PRKCH: variants seen among roughly 807,000 people sequenced by gnomAD.
The protein encoded by PRKCH is protein kinase C eta type.
Under a neutral mutation model 82.5 loss-of-function variants are expected in PRKCH, and 28 were observed. The ratio of observed to expected loss-of-function variants is 0.34; its 90% CI spans 0.25 to 0.47. The LOEUF (loss-of-function observed/expected upper bound fraction) is 0.47, where lower values mean the gene tolerates loss of function less well. Ranked by LOEUF, PRKCH falls within the 20% of genes least tolerant of loss-of-function variation. The probability of loss-of-function intolerance (pLI) is 1.00; values close to 1 mark genes in which losing one functional copy is unlikely to be tolerated. For missense variants in PRKCH, 705 were observed against 881.8 expected (o/e 0.80, Z 2.54); for synonymous variants, 322 against 327.4 (o/e 0.98, Z 0.18).
At chr14:61,390,663 CCTCT>C (rs201584566) in intron 1 of PRKCH, 1 of 152,716 alleles carries the variant, frequency 6.5e-6, no homozygotes, top group Non-Finnish European at 1.5e-5. Context: ...AGTGAAACTA[CCTCT>C]CTCTCTCAAA....
chr14:61,222,239 G>C (rs1055569012), intron 1 of PRKCH, among the ~76,000 whole-genome samples: 1 of 152,180 alleles, frequency 6.6e-6, no homozygotes. Context: ...AGTGCATCCA[G>C]GATCATTAAA....
At position 61,266,216 on chromosome 14, in the gene PRKCH, G is replaced by A. The variant is rs113166700; in HGVS notation, c.-19+78548G>A. On this transcript the variant is annotated intron_variant, in intron 1 of 3. Transcript: ENST00000555185. The stretch of plus-strand genomic sequence containing the variant: ...GTGGATCACTTGAGGTCAGGGGTTC[G>A]ACACTAGCCTGGCAGGCATGGTGAA... 2.6e-3 allele frequency among the ~76,000 whole-genome samples: 393 copies of A among 151,998 alleles called. 1 individual carries two copies. The highest frequency in any genetic ancestry group is 8.2e-3 in the African/African-American group (339 of 41,462).
At chr14:61,548,574 G>C (rs1010339188) in intron 13 of PRKCH, among the ~76,000 whole-genome samples, 1 of 152,132 alleles carries the variant, frequency 6.6e-6, no homozygotes, top group Non-Finnish European at 1.5e-5. Flanking sequence ...AAGAGTGATG[G>C]GGAGACCTGG....
intron 8 of PRKCH, 64 bp downstream of exon 8, chr14:61,457,383 G>A: frequency 1.9e-6 from 3 of 1,599,652 alleles, no homozygotes; most frequent in East Asian, 4.5e-5. Flanking sequence ...GGGTGTGTGT[G>A]TGTGTGCACG....
intron 1 of PRKCH, among the ~76,000 whole-genome samples, chr14:61,352,518 G>T (rs1421207616): frequency 2.0e-5 from 3 of 151,962 alleles, no homozygotes; most frequent in Non-Finnish European, 4.4e-5. Flanking sequence ...CAAAAAATTA[G>T]CTGGGCGTGG....
chr14:61,460,347 T>G (rs1322251126), intron 9 of PRKCH, among the ~76,000 whole-genome samples: 1 of 152,214 alleles, frequency 6.6e-6, no homozygotes, highest in Admixed American at 6.5e-5. Flanking sequence ...TGAGTCCCCT[T>G]GTACTTTTGT....
chr14:61,245,276 G>A (rs1351872074), intron 1 of PRKCH, among the ~76,000 whole-genome samples: 1 of 152,188 alleles, frequency 6.6e-6, no homozygotes, highest in African/African-American at 2.4e-5. Flanking sequence ...CAGCAGATAG[G>A]CAATCAGGTA....
Position 61,457,607 on chromosome 14 carries a change from C to A in PRKCH, c.1206C>A (p.Thr402=). 6.2e-7 allele frequency: 1 copy of A among 1,614,084 alleles called. No homozygotes were observed. Among genetic ancestry groups the A allele is most frequent in the Non-Finnish European group, 8.5e-7 (1 of 1,180,026 alleles). The stretch of plus-strand genomic sequence containing the variant: ...ATGATGATGTGGAATGCACCATGAC[C>A]GAGAAAAGGATCCTGTCTCTGGCCC... The part of the protein sequence containing the change: ...LQDDDVECTM[T]EKRILSLARN... Residue 402 remains threonine, a synonymous_variant, in exon 9 of 14, where the codon ACC becomes ACA. Coordinates refer to ENST00000332981, the MANE Select transcript of PRKCH (RefSeq NM_006255.5).
chr14:61,528,823 C>T, intron 10 of PRKCH: 1 of 292,732 alleles, frequency 3.4e-6, no homozygotes, highest in Non-Finnish European at 6.5e-6. Flanking sequence ...CTACATTTTC[C>T]TGTGGTCAGC....
intron 1 of PRKCH, among the ~76,000 whole-genome samples, chr14:61,378,182 T>C (rs2046449982): frequency 6.6e-6 from 1 of 152,072 alleles, no homozygotes; most frequent in African/African-American, 2.4e-5. Context: ...CCTAGCCCAG[T>C]GATTGCTCCT....
Position 61,549,998 on chromosome 14 carries a change from TAG to T in PRKCH, c.*170_*171del, listed in dbSNP as rs2043306937. On this transcript the variant is annotated 3_prime_UTR_variant, in exon 14 of 14. Transcript: ENST00000332981. The stretch of plus-strand genomic sequence containing the variant: ...ATGGAACTTTCAGATATCAACTATT[TAG>T]AGTCCAGAGGGAGCCATGGCACTAG... 1.5e-6 allele frequency: 1 copy of T among 687,190 alleles called. No individual in the cohort carries two copies. Among genetic ancestry groups the T allele is most frequent in the African/African-American group, 1.8e-5 (1 of 55,958 alleles). 42.6% of individuals were successfully genotyped at this position (687,190 alleles called of 1,614,324 possible).
At chr14:61,309,457 C>A (rs1448722770) in intron 1 of PRKCH, among the ~76,000 whole-genome samples, 3 of 152,130 alleles carry the variant, frequency 2.0e-5, no homozygotes, top group Non-Finnish European at 4.4e-5. Flanking sequence ...TGAGGCAGAG[C>A]TGATAACATT....
chr14:61,439,617 G>C (rs373251717), intron 2 of PRKCH, among the ~76,000 whole-genome samples: 12 of 147,844 alleles, frequency 8.1e-5, no homozygotes, highest in African/African-American at 2.9e-4. Flanking sequence ...CCTGCTGTGG[G>C]AACAGTGGGT....
intron 2 of PRKCH, among the ~76,000 whole-genome samples, chr14:61,412,556 G>A (rs1882323494): frequency 6.6e-6 from 1 of 152,042 alleles, no homozygotes; most frequent in Admixed American, 6.6e-5. Context: ...GATGCCCAGG[G>A]GTCACTTGAC....
intron 1 of PRKCH, among the ~76,000 whole-genome samples, chr14:61,188,595 G>T (rs1364103748): frequency 0.11 from 8,227 of 71,566 alleles, 1,734 homozygotes; most frequent in Admixed American, 0.22. Context: ...GTGTCGGGGG[G>T]GTGGGGGGGT....
intron 10 of PRKCH, among the ~76,000 whole-genome samples, chr14:61,488,507 T>G (rs1886325525): frequency 6.6e-6 from 1 of 152,238 alleles, no homozygotes; most frequent in Non-Finnish European, 1.5e-5. Flanking sequence ...GAAGTCAGAA[T>G]TCAAACCATG....
intron 7 of PRKCH, among the ~76,000 whole-genome samples, chr14:61,456,006 T>A (rs893438005): frequency 6.6e-6 from 1 of 152,210 alleles, no homozygotes; most frequent in Non-Finnish European, 1.5e-5. Context: ...ATCAGAAGTC[T>A]TCAAAATTAG....
At chr14:61,528,973 C>CGGGTGTGT in intron 10 of PRKCH, 102 bp from the exon 11 acceptor site, 3 of 565,718 alleles carry the variant, frequency 5.3e-6, no homozygotes, top group Non-Finnish European at 5.2e-6. Flanking sequence ...TGTGGCCGCA[C>CGGGTGTGT]GTGTGTGTGT....
chr14:61,246,757 T>C (rs1350151307), intron 1 of PRKCH, among the ~76,000 whole-genome samples: 1 of 152,156 alleles, frequency 6.6e-6, no homozygotes, highest in Non-Finnish European at 1.5e-5. Context: ...TATTTATTTA[T>C]TTATTATTTT....
Sources: allele counts gnomAD v4.1 joint callset (sites outside exome capture counted in the v4.1 genomes callset), GRCh38; gene constraint gnomAD v4.1.1; transcripts MANE v1.5; gene names NCBI Gene and HGNC (gene_info 2026-07-23, HGNC 2026-07-21).